Variants in RTTN observed in about 807,000 individuals in gnomAD.
RTTN encodes the protein rotatin.
In RTTN, 182 loss-of-function variants were observed where a neutral mutation model predicts 269.2. The ratio of observed to expected loss-of-function variants is 0.68; its 90% CI spans 0.60 to 0.76. RTTN has a LOEUF of 0.76. Among genes scored for constraint, RTTN ranks in the 30% least tolerant of loss-of-function variants. The pLI is 0.00. For missense variants in RTTN, 2,545 were observed against 2,608.6 expected (o/e 0.98, Z 0.53); for synonymous variants, 1,006 against 963.5 (o/e 1.04, Z -0.82).
At chr18:70,153,165 C>T (rs534966741) in intron 14 of RTTN, among the ~76,000 whole-genome samples, 1 of 152,110 alleles carries the variant, frequency 6.6e-6, no homozygotes, top group African/African-American at 2.4e-5. Flanking sequence ...GTCCTTTATC[C>T]TTTCATTGTC....
chr18:70,096,027 T>G (rs765972047), intron 28 of RTTN, among the ~76,000 whole-genome samples: 1 of 152,018 alleles, frequency 6.6e-6, no homozygotes, highest in Non-Finnish European at 1.5e-5. Context: ...TCTTGTCTTC[T>G]TGCTTTATTT....
chr18:70,026,294 T>C (rs1001911431), intron 43 of RTTN, among the ~76,000 whole-genome samples: 1 of 152,186 alleles, frequency 6.6e-6, no homozygotes, highest in Admixed American at 6.5e-5. Context: ...CCAAATCTCA[T>C]GTTGAATTGT....
rs75151715 is a variant in RTTN, at chr18:70,049,072, A to T, written c.5324-884T>A. On this transcript the variant is annotated intron_variant, in intron 39 of 48. Coordinates refer to ENST00000640769, the MANE Select transcript of RTTN (RefSeq NM_173630.4). ...ATCACTAAAGAAATAGTGTTAGATA[A>T]ATAAGTTTAAGTCAGAGGTCAGCAA... Among the ~76,000 whole-genome samples, 1,216 of 152,344 alleles carry T rather than the reference A, an allele frequency of 8.0e-3. 6 individuals carry two copies. Among genetic ancestry groups the T allele is most frequent in the Non-Finnish European group, 0.013 (871 of 68,014 alleles).
intron 11 of RTTN, among the ~76,000 whole-genome samples, chr18:70,172,633 C>G (rs1013522128): frequency 5.3e-5 from 8 of 151,266 alleles, no homozygotes; most frequent in African/African-American, 1.7e-4. Context: ...AAATAACTAC[C>G]AAAAATTAGA....
At chr18:70,124,202 G>A (rs775391881) in intron 25 of RTTN, among the ~76,000 whole-genome samples, 7 of 151,972 alleles carry the variant, frequency 4.6e-5, no homozygotes, top group Non-Finnish European at 1.0e-4. Flanking sequence ...CAGAATAACA[G>A]GTAGAAATGA....
intron 37 of RTTN, among the ~76,000 whole-genome samples, chr18:70,055,104 C>G (rs1420614594): frequency 1.3e-5 from 2 of 151,764 alleles, no homozygotes; most frequent in Non-Finnish European, 2.9e-5. Context: ...CCAACAAAAC[C>G]ATCTCTGGAA....
At chr18:70,076,998 C>A (rs998945581) in intron 32 of RTTN, among the ~76,000 whole-genome samples, 8 of 151,710 alleles carry the variant, frequency 5.3e-5, no homozygotes, top group Non-Finnish European at 8.9e-5. Flanking sequence ...CGCCAAACAC[C>A]CAAGAGATTT....
At chr18:70,118,913 T>G (rs1241018203) in intron 26 of RTTN, among the ~76,000 whole-genome samples, 1 of 151,936 alleles carries the variant, frequency 6.6e-6, no homozygotes, top group African/African-American at 2.4e-5. Flanking sequence ...TCTCAATAAA[T>G]TAAGTAGAAA....
At chr18:70,159,313 C>T (rs2060765533) in intron 14 of RTTN, among the ~76,000 whole-genome samples, 1 of 152,114 alleles carries the variant, frequency 6.6e-6, no homozygotes, top group South Asian at 2.1e-4. Flanking sequence ...TTACAGGGAA[C>T]TTAAACAACC....
intron 30 of RTTN, among the ~76,000 whole-genome samples, chr18:70,090,456 A>G (rs78848227): frequency 0.016 from 2,446 of 152,306 alleles, 31 homozygotes; most frequent in African/African-American, 0.032. Flanking sequence ...TATTGCACTC[A>G]GCCTTCTTGT....
intron 28 of RTTN, among the ~76,000 whole-genome samples, chr18:70,108,690 AAATGCAAGGTTGTTT>A (rs1397848656): frequency 6.6e-6 from 1 of 152,170 alleles, no homozygotes; most frequent in Non-Finnish European, 1.5e-5. Flanking sequence ...ATGTTTCGAG[AAATGCAAGGTTGTTT>A]AACATTTTAA....
intron 17 of RTTN, among the ~76,000 whole-genome samples, chr18:70,146,339 G>T (rs2060392530): frequency 6.6e-6 from 1 of 152,112 alleles, no homozygotes; most frequent in East Asian, 1.9e-4. Context: ...GGGGAGGTGG[G>T]AGACCTTTCA....
At chr18:70,028,041 G>T (rs12962512) in intron 43 of RTTN, among the ~76,000 whole-genome samples, 2,529 of 151,642 alleles carry the variant, frequency 0.017, 34 homozygotes, top group Non-Finnish European at 0.025. Context: ...TTATTTTCGT[G>T]GCCAGCTTTT....
rs376629480 is a variant in RTTN, at chr18:70,204,270, T to C, written c.220-7A>G. On this transcript the variant is annotated splice_region_variant and splice_polypyrimidine_tract_variant and intron_variant, in intron 2 of 48. Transcript: ENST00000640769. ...GTTGGACTGCTGGGGGATACTAAAA[T>C]AAGAAGAGGATGATCTTGAGAATAA... The C allele has an allele frequency of 6.9e-6, 11 of 1,595,806 alleles. No homozygotes were observed. Among genetic ancestry groups the C allele is most frequent in the Non-Finnish European group, 8.5e-6 (10 of 1,173,104 alleles).
At chr18:70,034,129 AAAG>A (rs1454585338) in intron 40 of RTTN, among the ~76,000 whole-genome samples, 1 of 152,182 alleles carries the variant, frequency 6.6e-6, no homozygotes, top group African/African-American at 2.4e-5. Context: ...CCAGATCTAT[AAAG>A]AAGAGCTGAT....
chr18:70,112,098 C>G (rs1369845068), intron 27 of RTTN, among the ~76,000 whole-genome samples: 2 of 152,118 alleles, frequency 1.3e-5, no homozygotes, highest in Admixed American at 1.3e-4. Flanking sequence ...TACAGACAAG[C>G]AAATGCTGAG....
intron 26 of RTTN, among the ~76,000 whole-genome samples, chr18:70,114,934 T>C (rs1445706637): frequency 6.6e-6 from 1 of 152,062 alleles, no homozygotes; most frequent in African/African-American, 2.4e-5. Context: ...AACAGTACAT[T>C]TTTCACAAAC....
At chr18:70,033,318 C>T (rs1156975544) in intron 40 of RTTN, among the ~76,000 whole-genome samples, 2 of 152,154 alleles carry the variant, frequency 1.3e-5, no homozygotes, top group Non-Finnish European at 2.9e-5. Flanking sequence ...TAAATTACTC[C>T]GTGTCAGGTA....
rs182454911 is a variant in RTTN, at chr18:70,042,511, G to T, written c.5541+5460C>A. On this transcript the variant is annotated intron_variant, in intron 40 of 48. Coordinates refer to ENST00000640769, the MANE Select transcript of RTTN (RefSeq NM_173630.4). ...CTGCCTCAGCCTCCCGAGTAGCTGG[G>T]ACTACAGGTGCCCGCCGCCATGTCT... Among the ~76,000 whole-genome samples, 220 of 151,986 alleles carry T rather than the reference G, an allele frequency of 1.4e-3. 2 individuals carry two copies. The highest frequency in any genetic ancestry group is 5.1e-3 in the African/African-American group (212 of 41,480).
Sources: allele counts gnomAD v4.1 joint callset (sites outside exome capture counted in the v4.1 genomes callset), GRCh38; gene constraint gnomAD v4.1.1; transcripts MANE v1.5; gene names NCBI Gene and HGNC (gene_info 2026-07-23, HGNC 2026-07-21).